The following CBLL1 variants were observed in gnomAD, a reference collection of about 807,000 sequenced individuals.
The protein encoded by CBLL1 is Cbl proto-oncogene like 1.
A neutral mutation model predicts 44.9 loss-of-function variants in CBLL1; 4 were observed. The observed-to-expected ratio is 0.09, with a 90% CI of 0.04 to 0.20. The LOEUF (loss-of-function observed/expected upper bound fraction) is 0.20, where lower values mean the gene tolerates loss of function less well. Ranked by LOEUF, CBLL1 falls within the 10% of genes least tolerant of loss-of-function variation. The pLI, the probability that CBLL1 is intolerant of heterozygous loss-of-function variation, is 1.00. For synonymous variants in CBLL1, 235 were observed against 202.2 expected, an observed-to-expected ratio of 1.16 and a Z score of -1.38; for missense variants, 569 against 636.7, an observed-to-expected ratio of 0.89 and a Z score of 1.14.
rs546761455 is a variant in CBLL1, at chr7:107,750,291, A to G, written c.181+1244A>G. 2.0e-5 allele frequency among the ~76,000 whole-genome samples: 3 copies of G among 151,982 alleles called. No individual in the cohort carries two copies. In the South Asian group the frequency reaches 6.2e-4, roughly 32 times the overall value. ...CATTTGTCTTTTGAATTTTGTATAC[A>G]AAATATTTATTGCAGAGAATCTTTT... On this transcript the variant is annotated intron_variant, in intron 2 of 5. Coordinates refer to ENST00000440859, the MANE Select transcript of CBLL1 (RefSeq NM_024814.4).
intron 1 of CBLL1, chr7:107,744,431 C>T: frequency 2.3e-6 from 1 of 439,106 alleles, no homozygotes; most frequent in Non-Finnish European, 4.0e-6. Flanking sequence ...CGAGCCCGGA[C>T]CAGTGGGCGA....
At chr7:107,754,216 C>G (rs1793431675) in intron 4 of CBLL1, 1 of 252,788 alleles carries the variant, frequency 4.0e-6, no homozygotes, top group Non-Finnish European at 7.4e-6. Flanking sequence ...AAAACTAATT[C>G]CTTTGGAGTG....
chr7:107,748,420 T>G (rs1400399226), intron 1 of CBLL1, among the ~76,000 whole-genome samples: 1 of 152,270 alleles, frequency 6.6e-6, no homozygotes, highest in Non-Finnish European at 1.5e-5. Context: ...TCATCAGTAT[T>G]AGTAAGTTCA....
At chr7:107,749,142 A>G in intron 2 of CBLL1, 95 bp downstream of exon 2, 1 of 1,077,152 alleles carries the variant, frequency 9.3e-7, no homozygotes, top group Non-Finnish European at 1.3e-6. Context: ...TTTTTGTCTT[A>G]CATATTCTAT....
At chr7:107,744,912 G>C (rs1247212862) in intron 1 of CBLL1, 2 of 152,150 alleles carry the variant, frequency 1.3e-5, no homozygotes, top group African/African-American at 4.8e-5. Context: ...TTGAATGAGT[G>C]CTCTTGGAGT....
intron 2 of CBLL1, among the ~76,000 whole-genome samples, chr7:107,749,940 T>TTG (rs377716317): frequency 2.0e-5 from 3 of 150,726 alleles, no homozygotes; most frequent in Admixed American, 6.6e-5. Flanking sequence ...ATATATATTT[T>TTG]TTTGTTTGTT....
In CBLL1 at chr7:107,758,684, G is replaced by T; in HGVS notation, c.982G>T (p.Val328Leu). Residue 328 changes from valine (V) to leucine (L), a missense_variant, in exon 6 of 6, where the codon GTA becomes TTA. By Grantham distance (32) the Val-to-Leu change is conservative. Coordinates refer to ENST00000440859, the MANE Select transcript of CBLL1 (RefSeq NM_024814.4). This position sits in a 1 kb window ranked among gnomAD's most constrained non-coding sequence, Gnocchi z 4.2. ...TCCTGAATATCAGGGTCAACCAGTG[G>T]TATCGCACCCTCATCATATTATGCC... ...HHPEYQGQPV[V>L]SHPHHIMPPQ... 1.2e-6 allele frequency: 2 copies of T among 1,613,714 alleles called. No individual in the cohort carries two copies. Among genetic ancestry groups the T allele is most frequent in the Non-Finnish European group, 1.7e-6 (2 of 1,179,934 alleles).
chr7:107,748,183 TGTA>T (rs992435390), intron 1 of CBLL1, among the ~76,000 whole-genome samples: 1 of 152,156 alleles, frequency 6.6e-6, no homozygotes, highest in Non-Finnish European at 1.5e-5. Context: ...TAGACCTAGT[TGTA>T]GTATAGGAAC....
intron 2 of CBLL1, chr7:107,749,442 C>G (rs1262110031): frequency 6.6e-6 from 1 of 152,190 alleles, no homozygotes; most frequent in Non-Finnish European, 1.5e-5. Context: ...TACAGATGTA[C>G]CTCATTAAAA....
intron 1 of CBLL1, 144 bp from the exon 2 acceptor site, chr7:107,748,736 G>A (rs993151377): frequency 1.0e-5 from 6 of 578,624 alleles, no homozygotes; most frequent in South Asian, 3.3e-5. Flanking sequence ...AATAAAATTA[G>A]CAGTTAAACT....
At chr7:107,751,274 C>G (rs745966756) in intron 2 of CBLL1, among the ~76,000 whole-genome samples, 2 of 152,298 alleles carry the variant, frequency 1.3e-5, no homozygotes, top group Admixed American at 6.5e-5. Context: ...GGCTGCTGAT[C>G]TGACGGGAGG....
chr7:107,754,646 A>G (rs1793447624), intron 4 of CBLL1, among the ~76,000 whole-genome samples: 1 of 152,208 alleles, frequency 6.6e-6, no homozygotes. Context: ...TTCTAACATC[A>G]TTTAATGTAT....
At chr7:107,747,072 T>C (rs923010585) in intron 1 of CBLL1, among the ~76,000 whole-genome samples, 6 of 152,368 alleles carry the variant, frequency 3.9e-5, no homozygotes, top group Admixed American at 3.9e-4. Context: ...TTTGTTACTG[T>C]ATTCAAAAGG....
At chr7:107,747,767 T>G (rs918845362) in intron 1 of CBLL1, among the ~76,000 whole-genome samples, 5 of 152,330 alleles carry the variant, frequency 3.3e-5, no homozygotes, top group African/African-American at 1.2e-4. Flanking sequence ...GAACTTATTG[T>G]GTGTCTGTAA....
At chr7:107,755,221 A>C (rs781324901) in intron 4 of CBLL1, among the ~76,000 whole-genome samples, 197 bp from the exon 5 acceptor site, 1 of 152,198 alleles carries the variant, frequency 6.6e-6, no homozygotes, top group Non-Finnish European at 1.5e-5. Flanking sequence ...TTATTGGGAA[A>C]AGAGCCATAG....
chr7:107,749,786 T>A (rs1173775354), intron 2 of CBLL1, among the ~76,000 whole-genome samples: 1 of 152,084 alleles, frequency 6.6e-6, no homozygotes, highest in East Asian at 1.9e-4. Flanking sequence ...CCTTTTAAAA[T>A]TTTTGTTTTG....
intron 1 of CBLL1, among the ~76,000 whole-genome samples, chr7:107,747,669 T>C (rs550515309): frequency 3.4e-4 from 52 of 152,234 alleles, no homozygotes; most frequent in Non-Finnish European, 5.6e-4. Context: ...TTAGCTGTTA[T>C]AAGAGTAGTA....
intron 1 of CBLL1, among the ~76,000 whole-genome samples, chr7:107,748,541 G>T (rs1398848576): frequency 6.6e-6 from 1 of 151,996 alleles, no homozygotes; most frequent in African/African-American, 2.4e-5. Flanking sequence ...AAATTCTCTT[G>T]TAGTTCAAGA....
At chr7:107,747,240 A>G (rs1727144842) in intron 1 of CBLL1, among the ~76,000 whole-genome samples, 1 of 152,224 alleles carries the variant, frequency 6.6e-6, no homozygotes, top group African/African-American at 2.4e-5. Context: ...AAAGTGGTAG[A>G]CTATGCAAGC....
Sources: allele counts gnomAD v4.1 joint callset (sites outside exome capture counted in the v4.1 genomes callset), GRCh38; gene constraint gnomAD v4.1.1; non-coding constraint Gnocchi (gnomAD v3.1); transcripts MANE v1.5; gene names NCBI Gene and HGNC (gene_info 2026-07-23, HGNC 2026-07-21).